ZP3: variants seen among roughly 807,000 people sequenced by gnomAD.
ZP3 encodes zona pellucida sperm-binding protein 3.
A neutral mutation model predicts 35.6 loss-of-function variants in ZP3; 21 were observed. That is an observed-to-expected ratio of 0.59 (90% CI 0.42 to 0.85). The LOEUF is 0.85. ZP3 is among the 40% of genes least tolerant of loss of function. The pLI is 0.00. For missense variants in ZP3, 437 were observed against 536.5 expected, an observed-to-expected ratio of 0.81 and a Z score of 1.83; for synonymous variants, 207 against 214.5, an observed-to-expected ratio of 0.96 and a Z score of 0.31.
intron 2 of ZP3, among the ~76,000 whole-genome samples, chr7:76,430,396 G>A (rs1179558046): frequency 1.3e-5 from 2 of 152,046 alleles, no homozygotes; most frequent in African/African-American, 2.4e-5. Context: ...TCAGCATGGG[G>A]TGCAGGGGAC....
chr7:76,405,270 A>ATTAT (rs1804961783), intron 1 of ZP3, among the ~76,000 whole-genome samples: 1 of 18,590 alleles, frequency 5.4e-5, no homozygotes, highest in African/African-American at 1.7e-4. Context: ...CACCCAGCTA[A>ATTAT]TTATATATAT....
At chr7:76,409,859 T>C (rs1563689628) in intron 1 of ZP3, among the ~76,000 whole-genome samples, 1 of 150,906 alleles carries the variant, frequency 6.6e-6, no homozygotes, top group African/African-American at 2.4e-5. Context: ...ATCCTGATCT[T>C]TGGAGGTAGC....
At position 76,428,848 on chromosome 7, in the gene ZP3, A is replaced by AT. The variant is rs367611888; in HGVS notation, c.313-655dup. 389 of 147,896 alleles carry AT rather than the reference A, an allele frequency of 2.6e-3. 2 individuals carry two copies. Among genetic ancestry groups the AT allele is most frequent in the Middle Eastern group, 6.8e-3 (2 of 292 alleles). The allele number at this position is 147,896 out of a possible 1,614,324, so 9.2% of individuals were successfully genotyped here. ...AGGCACGTGCCACCACACTCAGCTAATTTTTTTTTTTTAAGTAGAGATGGG... is the reference window on the plus strand; with the variant it reads ...AGGCACGTGCCACCACACTCAGCTAATTTTTTTTTTTTTAAGTAGAGATGGG... On this transcript the variant is annotated intron_variant, in intron 1 of 7. Transcript: ENST00000394857.
chr7:76,427,609 C>T (rs542559841), intron 1 of ZP3, among the ~76,000 whole-genome samples: 1 of 152,072 alleles, frequency 6.6e-6, no homozygotes, highest in East Asian at 1.9e-4. Flanking sequence ...GGAATGCCCT[C>T]TTGCCCTGAA....
intron 1 of ZP3, among the ~76,000 whole-genome samples, chr7:76,405,295 A>T (rs1236860228): frequency 2.1e-4 from 10 of 48,460 alleles, no homozygotes; most frequent in African/African-American, 9.5e-4. Context: ...ATATATATAT[A>T]TATATATATA....
chr7:76,432,089 C>T (rs1805845899), intron 2 of ZP3, among the ~76,000 whole-genome samples: 1 of 151,996 alleles, frequency 6.6e-6, no homozygotes, highest in Admixed American at 6.6e-5. Context: ...GGGGTGCCAT[C>T]ATAGTTCACT....
intron 1 of ZP3, among the ~76,000 whole-genome samples, chr7:76,426,476 C>T (rs1039361507): frequency 3.9e-5 from 6 of 152,164 alleles, no homozygotes; most frequent in African/African-American, 1.2e-4. Context: ...TGGAGCCCTC[C>T]GGCCAGAGCT....
intron 7 of ZP3, among the ~76,000 whole-genome samples, chr7:76,441,227 T>C (rs1338009634): frequency 2.6e-5 from 4 of 151,456 alleles, no homozygotes; most frequent in African/African-American, 7.3e-5. Flanking sequence ...ATCCTAGCAC[T>C]TGGGGAGGCT....
chr7:76,438,036 C>T (rs1344801517), intron 5 of ZP3, among the ~76,000 whole-genome samples: 3 of 152,364 alleles, frequency 2.0e-5, no homozygotes, highest in South Asian at 2.1e-4. Context: ...TCAAGTTTCT[C>T]TGCTGGTGTA....
chr7:76,402,472 G>A (rs373170421), intron 1 of ZP3, among the ~76,000 whole-genome samples: 35 of 151,156 alleles, frequency 2.3e-4, no homozygotes, highest in African/African-American at 7.5e-4. Flanking sequence ...ATGAGCCACC[G>A]CTCCTGGCCT....
Position 76,429,540 on chromosome 7 carries a change from G to A in ZP3, c.338G>A (p.Ser113Asn), listed in dbSNP as rs140906109. The change falls in exon 2 of 8, where the codon AGC becomes AAC. Residue 113 changes from serine (S) to asparagine (N), a missense_variant. Ser to Asn is a conservative substitution (Grantham distance 46, BLOSUM62 1). Around this residue, in one of 6 missense-constraint regions of ZP3, gnomAD observed 352 missense variants for 308.4 expected, o/e 1.14. Transcript: ENST00000394857. ...MQVTDDALVY[S>N]TFLLHDPRPV... ...GTAACTGACGATGCCCTGGTGTACA[G>A]CACCTTCCTGCTCCATGACCCCCGC... 4,722 of 1,614,014 alleles carry A rather than the reference G, an allele frequency of 2.9e-3. 142 individuals are homozygous for A. In the South Asian group the frequency reaches 0.047, roughly 16 times the overall value.
chr7:76,415,599 T>G (rs1234771368), intron 1 of ZP3, among the ~76,000 whole-genome samples: 4 of 150,476 alleles, frequency 2.7e-5, no homozygotes, highest in African/African-American at 9.7e-5. Context: ...GTTCACGCCA[T>G]TCTCCTGCCT....
chr7:76,412,479 A>G (rs924782732), intron 1 of ZP3, among the ~76,000 whole-genome samples: 4 of 152,178 alleles, frequency 2.6e-5, no homozygotes, highest in African/African-American at 7.2e-5. Context: ...TCTTAATTGT[A>G]TATGATAAAA....
intron 1 of ZP3, among the ~76,000 whole-genome samples, chr7:76,414,672 C>T (rs1805324649): frequency 7.5e-6 from 1 of 134,178 alleles, no homozygotes; most frequent in Non-Finnish European, 1.6e-5. Context: ...TCCCTTTCCC[C>T]TTCCCCTTCC....
intron 1 of ZP3, among the ~76,000 whole-genome samples, chr7:76,411,802 A>T (rs549678492): frequency 6.6e-6 from 1 of 152,336 alleles, no homozygotes; most frequent in South Asian, 2.1e-4. Context: ...CTGGGCATTT[A>T]TCCAAGAGAA....
intron 1 of ZP3, chr7:76,398,660 G>A: frequency 6.5e-7 from 1 of 1,532,642 alleles, no homozygotes; most frequent in Non-Finnish European, 9.0e-7. Context: ...ACTGCCTAGG[G>A]TAGGGTGTGA....
chr7:76,426,855 C>T (rs982826118), intron 1 of ZP3, among the ~76,000 whole-genome samples: 2 of 142,028 alleles, frequency 1.4e-5, no homozygotes, highest in Non-Finnish European at 3.0e-5. Flanking sequence ...CATAATGAGA[C>T]CCCCTTCTCT....
At chr7:76,418,287 A>G (rs1380266237) in intron 1 of ZP3, among the ~76,000 whole-genome samples, 1 of 152,008 alleles carries the variant, frequency 6.6e-6, no homozygotes, top group Non-Finnish European at 1.5e-5. Context: ...TAAAGTCCTT[A>G]AGATGGCCAA....
At chr7:76,408,425 G>C (rs76141960) in intron 1 of ZP3, among the ~76,000 whole-genome samples, 54 of 152,044 alleles carry the variant, frequency 3.6e-4, no homozygotes, top group African/African-American at 1.2e-3. Flanking sequence ...TGCTTGTTGT[G>C]GGGGGGCACA....
Sources: allele counts gnomAD v4.1 joint callset (sites outside exome capture counted in the v4.1 genomes callset), GRCh38; gene constraint gnomAD v4.1.1; regional missense constraint gnomAD v4.1.1; transcripts MANE v1.5; gene names NCBI Gene and HGNC (gene_info 2026-07-23, HGNC 2026-07-21).